Variants in MDGA1 observed in about 807,000 individuals in gnomAD.
MDGA1 encodes the protein MAM domain-containing glycosylphosphatidylinositol anchor protein 1.
A neutral mutation model predicts 101.5 loss-of-function variants in MDGA1; 54 were observed. That is an observed-to-expected ratio of 0.53 (90% CI 0.43 to 0.67). The LOEUF is 0.67. Among genes scored for constraint, MDGA1 ranks in the 30% least tolerant of loss-of-function variants. The pLI, the probability that MDGA1 is intolerant of heterozygous loss-of-function variation, is 0.00. For missense variants in MDGA1, 1,083 were observed against 1,323.8 expected (o/e 0.82, Z 2.82); for synonymous variants, 533 against 558.3 (o/e 0.95, Z 0.64).
rs1204489300 is a variant in MDGA1, at chr6:37,638,076, CAT to C, written c.2776+127_2776+128del. The stretch of plus-strand genomic sequence containing the variant: ...GCACACCTTCACACAGTCAGAGCCA[CAT>C]GATTCCCATCACTCAGACATTCTGA... On this transcript the variant is annotated intron_variant, in intron 16 of 16. Coordinates refer to ENST00000434837, the MANE Select transcript of MDGA1 (RefSeq NM_153487.4). This position sits in a 1 kb window ranked among gnomAD's most constrained non-coding sequence, Gnocchi z 4.8. The C allele has an allele frequency of 6.7e-6, 5 of 745,028 alleles. No homozygotes were observed. The highest frequency in any genetic ancestry group is 1.2e-5 in the Non-Finnish European group (5 of 418,750). The allele number at this position is 745,028 out of a possible 1,614,324, so 46.2% of individuals were successfully genotyped here.
At chr6:37,640,302 G>T (rs1764034986) in intron 14 of MDGA1, among the ~76,000 whole-genome samples, 2 of 152,068 alleles carry the variant, frequency 1.3e-5, no homozygotes, top group Non-Finnish European at 2.9e-5. Flanking sequence ...ATACAGTTCT[G>T]CTTGGCTTTA....
At position 37,651,993 on chromosome 6, in the gene MDGA1, G is replaced by A. The variant is rs779423879; in HGVS notation, c.1312+18C>T. ...TCCACCCCCCTCACATTTCCGCAGTGCCCCTCCAGCTGCCCACCTGTCTCA... is the reference window on the plus strand; with the variant it reads ...TCCACCCCCCTCACATTTCCGCAGTACCCCTCCAGCTGCCCACCTGTCTCA... On this transcript the variant is annotated intron_variant, in intron 7 of 16. Transcript: ENST00000434837. 6.5e-6 allele frequency: 10 copies of A among 1,549,378 alleles called. No homozygotes were observed. The highest frequency in any genetic ancestry group is 8.7e-6 in the Non-Finnish European group (10 of 1,149,084).
rs1347892526 is a variant in MDGA1 at position 37,650,166 on chromosome 6, G to T, written c.1552C>A (p.Arg518Ser). 1 of 1,611,666 alleles carries T rather than the reference G, an allele frequency of 6.2e-7. No homozygotes were observed. Among genetic ancestry groups the T allele is most frequent in the Non-Finnish European group, 8.5e-7 (1 of 1,178,238 alleles). The change falls in exon 8 of 17, where the codon CGC becomes AGC. Residue 518 changes from arginine (R) to serine (S), a missense_variant. Physicochemically the swap from Arg to Ser is moderately radical, Grantham distance 110 (BLOSUM62 -1). This residue lies in a region of MDGA1 where 657 missense variants were observed against 771.4 expected (regional missense o/e 0.85). Transcript: ENST00000434837. Reference protein sequence around the residue: ...MSGTYRCQTARYNGFNVRPRE... With the variant: ...MSGTYRCQTASYNGFNVRPRE... ...GGGCGCACGTTGAAGCCATTATAGC[G>T]GGCCGTCTGGCAGCGGTAGGTCCCG...
At chr6:37,645,822 A>G in intron 12 of MDGA1, 111 bp downstream of exon 12, 1 of 1,289,498 alleles carries the variant, frequency 7.8e-7, no homozygotes, top group South Asian at 1.3e-5. Flanking sequence ...CACAGGGGGA[A>G]TTCATTTTCT....
At position 37,654,445 on chromosome 6, in the gene MDGA1, G is replaced by T; in HGVS notation, c.811C>A (p.Pro271Thr). 1 of 1,614,006 alleles carries T rather than the reference G, an allele frequency of 6.2e-7. No individual in the cohort carries two copies. The highest frequency in any genetic ancestry group is 8.5e-7 in the Non-Finnish European group (1 of 1,179,894). Reference sequence around the variant, plus strand: ...GGCCCATGGGACCACTGCAGCTGGGGGAGGGGATCACCGCCTGTCAGCAGA... The same window carrying T: ...GGCCCATGGGACCACTGCAGCTGGGTGAGGGGATCACCGCCTGTCAGCAGA... ...QCLLTGGDPLPQLQWSHGPGP... is the reference protein window; with the variant it reads ...QCLLTGGDPLTQLQWSHGPGP... Residue 271 changes from proline (P) to threonine (T), a missense_variant, in exon 6 of 17, where the codon CCC becomes ACC. This residue lies in a region of MDGA1 where 116 missense variants were observed against 196.6 expected (regional missense o/e 0.59). Transcript: ENST00000434837.
intron 12 of MDGA1, among the ~76,000 whole-genome samples, chr6:37,645,459 G>A (rs144435962): frequency 5.3e-5 from 8 of 152,124 alleles, no homozygotes; most frequent in African/African-American, 9.7e-5. Flanking sequence ...ACTTGAACCC[G>A]GGAGGCGCAG....
intron 1 of MDGA1, among the ~76,000 whole-genome samples, chr6:37,682,900 G>C (rs1215715980): frequency 6.6e-6 from 1 of 152,226 alleles, no homozygotes; most frequent in African/African-American, 2.4e-5. Flanking sequence ...GGTATATTCA[G>C]GGGTGCAGGC....
At chr6:37,692,461 G>A (rs939727391) in intron 1 of MDGA1, among the ~76,000 whole-genome samples, 1 of 150,892 alleles carries the variant, frequency 6.6e-6, no homozygotes, top group East Asian at 2.0e-4. Context: ...GGACGTGGGG[G>A]CAGTGGTGTT....
At chr6:37,641,912 TC>T (rs1764092334) in intron 14 of MDGA1, 1 of 152,172 alleles carries the variant, frequency 6.6e-6, no homozygotes, top group South Asian at 2.1e-4. Context: ...CCCACTCCAT[TC>T]TTGTTCATCA....
At chr6:37,651,576 G>C (rs919174203) in intron 7 of MDGA1, among the ~76,000 whole-genome samples, 1 of 150,476 alleles carries the variant, frequency 6.6e-6, no homozygotes, top group African/African-American at 2.4e-5. Flanking sequence ...TCAGGCCTAT[G>C]AGCCAAATGG....
rs964029946 is a variant in MDGA1 at position 37,679,984 on chromosome 6, G to A, written c.68-15878C>T. On this transcript the variant is annotated intron_variant, in intron 1 of 16. Transcript: ENST00000434837. Reference sequence around the variant, plus strand: ...CCTGAGCGAGAGATGGTTATTCATCGACTTCATTATATTTAGTTACTTGAT... The same window carrying A: ...CCTGAGCGAGAGATGGTTATTCATCAACTTCATTATATTTAGTTACTTGAT... Among the ~76,000 whole-genome samples, 9 of 152,220 alleles carry A rather than the reference G, an allele frequency of 5.9e-5. No individual in the cohort carries two copies. In the East Asian group the frequency reaches 1.4e-3, roughly 23 times the overall value.
intron 7 of MDGA1, among the ~76,000 whole-genome samples, chr6:37,651,596 C>T (rs1294127689): frequency 2.5e-5 from 3 of 118,148 alleles, no homozygotes; most frequent in African/African-American, 8.6e-5. Context: ...GAGGAAACAG[C>T]CCTGGGCCCC....
At position 37,643,938 on chromosome 6, in the gene MDGA1, A is replaced by C; in HGVS notation, c.2407T>G (p.Tyr803Asp). ...TDISGTPEGY[Y>D]MFIETSRPRE... ...GGCCTCGATGTCTCGATGAACATGT[A>C]GTAGCCTGCGGGGAATGGGGAGATG... is the stretch of plus-strand genomic sequence containing the variant. Residue 803 changes from tyrosine (Y) to aspartate (D), a missense_variant, in exon 14 of 17, where the codon TAC becomes GAC. By Grantham distance (160) the Tyr-to-Asp change is radical. Transcript: ENST00000434837. 2 of 1,613,796 alleles carry C rather than the reference A, an allele frequency of 1.2e-6. No individual in the cohort carries two copies. The highest frequency in any genetic ancestry group is 1.7e-6 in the Non-Finnish European group (2 of 1,179,796).
chr6:37,644,660 T>C lies in MDGA1; in HGVS notation c.2249-11A>G, dbSNP rs775732497. 4.5e-6 allele frequency: 7 copies of C among 1,556,356 alleles called. No individual in the cohort carries two copies. In the Admixed American group the frequency reaches 9.3e-5, roughly 21 times the overall value. On this transcript the variant is annotated splice_polypyrimidine_tract_variant and intron_variant, in intron 12 of 16. Coordinates refer to ENST00000434837, the MANE Select transcript of MDGA1 (RefSeq NM_153487.4). ...AGTGGCAGGTGTTGTCTGCATTTTA[T>C]GGGGCGAATGAGACAAAGAGTCAGC...
At chr6:37,664,189 T>C (rs1761691766) in intron 1 of MDGA1, 83 bp from the exon 2 acceptor site, 1 of 1,550,416 alleles carries the variant, frequency 6.4e-7, no homozygotes. Context: ...TGAGTGTATC[T>C]GGGAGGGGTC....
chr6:37,676,846 G>A (rs972192809), intron 1 of MDGA1, among the ~76,000 whole-genome samples: 24 of 150,244 alleles, frequency 1.6e-4, no homozygotes, highest in African/African-American at 4.2e-4. Flanking sequence ...GCAGTGAGCT[G>A]AGATTGTGCC....
intron 11 of MDGA1, 45 bp from the exon 12 acceptor site, chr6:37,646,001 G>T: frequency 6.2e-7 from 1 of 1,613,704 alleles, no homozygotes; most frequent in East Asian, 2.2e-5. Flanking sequence ...GAGGTGTGGG[G>T]CTCTGCAGAG....
At position 37,696,916 on chromosome 6, in the gene MDGA1, G is replaced by A. The variant is rs907788972; in HGVS notation, c.-105C>T. ...CGCCCCTATGTCCCCCCCTTTCCCTGAGAGGTGAGAGAGAGAGCGGCGACG... is the reference window on the plus strand; with the variant it reads ...CGCCCCTATGTCCCCCCCTTTCCCTAAGAGGTGAGAGAGAGAGCGGCGACG... On this transcript the variant is annotated 5_prime_UTR_variant, in exon 1 of 17. Transcript: ENST00000434837. The surrounding 1 kb of genome is among the most constrained non-coding windows in gnomAD (Gnocchi z 5.6). 1 of 894,810 alleles carries A rather than the reference G, an allele frequency of 1.1e-6. No individual in the cohort carries two copies. Among genetic ancestry groups the A allele is most frequent in the South Asian group, 1.4e-5 (1 of 70,206 alleles). The allele number at this position is 894,810 out of a possible 1,614,324, so 55.4% of individuals were successfully genotyped here. A position where few individuals can be genotyped will look rare whatever the true frequency, so the allele number is the denominator to read the frequency against.
chr6:37,646,074 G>A (rs766504006), intron 11 of MDGA1, 118 bp from the exon 12 acceptor site: 8 of 1,575,334 alleles, frequency 5.1e-6, no homozygotes, highest in Non-Finnish European at 6.9e-6. Flanking sequence ...CAGCGGATCT[G>A]GCCTGCAGTG....
Sources: gnomAD v4.1 joint callset for allele counts (sites outside exome capture counted in the v4.1 genomes callset) on GRCh38, gnomAD v4.1.1 for gene constraint, gnomAD v4.1.1 regional missense constraint, Gnocchi (gnomAD v3.1) non-coding constraint, MANE v1.5 for transcripts, NCBI Gene and HGNC (gene_info 2026-07-23, HGNC 2026-07-21) for gene names.